Variants in DCTN1 observed in about 807,000 individuals in gnomAD.
The protein encoded by DCTN1 is 150 kDa dynein-associated polypeptide.
A neutral mutation model predicts 161.2 loss-of-function variants in DCTN1; 61 were observed. The observed-to-expected ratio is 0.38, with a 90% CI of 0.31 to 0.47. The LOEUF (loss-of-function observed/expected upper bound fraction) is 0.47, where lower values mean the gene tolerates loss of function less well. DCTN1 is among the 20% of genes least tolerant of loss of function. The pLI is 0.99. For synonymous variants in DCTN1, 653 were observed against 632.4 expected (o/e 1.03, Z -0.49); for missense variants, 1,404 against 1,623.7 (o/e 0.86, Z 2.33).
chr2:74,362,218 G>C, intron 30 of DCTN1, 77 bp from the exon 31 acceptor site: 1 of 1,331,268 alleles, frequency 7.5e-7, no homozygotes, highest in Non-Finnish European at 1.1e-6. Context: ...TGGTTTCACA[G>C]AGACACTAAT....
rs762445148 is a variant in DCTN1, at chr2:74,369,219, G to A, written c.1585-5C>T. On this transcript the variant is annotated splice_polypyrimidine_tract_variant and splice_region_variant and intron_variant, in intron 14 of 31. Transcript: ENST00000628224. This position sits in a 1 kb window ranked among gnomAD's most constrained non-coding sequence, Gnocchi z 4.9. The stretch of plus-strand genomic sequence containing the variant: ...TGTCAGTTCCCGATTCACATCCTAG[G>A]AGGAGAGACAGTGAAGCACAGCTGG... The A allele has an allele frequency of 6.2e-7, 1 of 1,614,186 alleles. No individual in the cohort carries two copies. Among genetic ancestry groups the A allele is most frequent in the Non-Finnish European group, 8.5e-7 (1 of 1,180,022 alleles).
At chr2:74,374,390 G>A (rs1250434743) in intron 5 of DCTN1, 50 bp from the exon 6 acceptor site, 2 of 1,612,064 alleles carry the variant, frequency 1.2e-6, no homozygotes, top group African/African-American at 1.3e-5. Context: ...GGAAAGAGGA[G>A]GGACAGAGGA....
intron 4 of DCTN1, 115 bp from the exon 5 acceptor site, chr2:74,376,877 T>C (rs1360864147): frequency 2.2e-6 from 2 of 890,740 alleles, no homozygotes; most frequent in African/African-American, 3.3e-5. Flanking sequence ...CAGGGTGAGA[T>C]GAGTAGCCCC....
chr2:74,367,152 C>A, intron 19 of DCTN1, 45 bp from the exon 20 acceptor site: 1 of 1,610,824 alleles, frequency 6.2e-7, no homozygotes, highest in Non-Finnish European at 8.5e-7. Flanking sequence ...AGCAGGAGCC[C>A]TTCTGCCTTA....
At chr2:74,368,661 A>T in intron 16 of DCTN1, 67 bp downstream of exon 16, 1 of 1,610,836 alleles carries the variant, frequency 6.2e-7, no homozygotes, top group Non-Finnish European at 8.5e-7. Flanking sequence ...TTCACTCAGC[A>T]TCTTCAATGC....
At chr2:74,376,658 T>G (rs978827837) in intron 5 of DCTN1, 84 bp downstream of exon 5, 1 of 1,339,208 alleles carries the variant, frequency 7.5e-7, no homozygotes, top group Middle Eastern at 2.1e-4. Flanking sequence ...CACACATGCA[T>G]GCAGCAGCCC....
intron 4 of DCTN1, among the ~76,000 whole-genome samples, chr2:74,377,060 T>C (rs941251322): frequency 5.3e-5 from 8 of 152,216 alleles, no homozygotes; most frequent in Non-Finnish European, 1.0e-4. Context: ...CACTTGTGAA[T>C]AGGAGATTGC....
chr2:74,388,581 C>T (rs1047369868), intron 1 of DCTN1, among the ~76,000 whole-genome samples: 4 of 152,236 alleles, frequency 2.6e-5, no homozygotes, highest in African/African-American at 9.6e-5. Flanking sequence ...AAAGACTCTC[C>T]TGGCTTCTCC....
rs754570937 is a variant in DCTN1, at chr2:74,368,899, G to A, written c.1702-19C>T. 6.8e-6 allele frequency: 11 copies of A among 1,613,798 alleles called. No homozygotes were observed. Among genetic ancestry groups the A allele is most frequent in the African/African-American group, 1.3e-5 (1 of 74,922 alleles). On this transcript the variant is annotated intron_variant, in intron 15 of 31. Transcript: ENST00000628224. ...CAATTGCCTGTGAGGTGAACAGGGAGGAGGACTCTTAGCCAGAGCTGAAAG... is the reference window on the plus strand; with the variant it reads ...CAATTGCCTGTGAGGTGAACAGGGAAGAGGACTCTTAGCCAGAGCTGAAAG...
chr2:74,361,688 G>A, intron 31 of DCTN1, 52 bp from the exon 32 acceptor site: 1 of 1,613,516 alleles, frequency 6.2e-7, no homozygotes. Flanking sequence ...CACTTGAGCT[G>A]TGGGCCACTG....
At position 74,361,535 on chromosome 2, in the gene DCTN1, C is replaced by G; in HGVS notation, c.3801G>C (p.Glu1267Asp). ...GQRHRLVLTQ[E>D]QLHQLHSRLI... ...GGCGACTGTGAAGCTGGTGCAGCTG[C>G]TCCTGGGTCAGCACCAGCCGGTGTC... The change falls in exon 32 of 32, where the codon GAG becomes GAC. Residue 1267 changes from glutamate to aspartate, a missense_variant. Glu to Asp is a conservative substitution (Grantham distance 45). Transcript: ENST00000628224. 6.2e-7 allele frequency: 1 copy of G among 1,614,184 alleles called. No homozygotes were observed. The highest frequency in any genetic ancestry group is 8.5e-7 in the Non-Finnish European group (1 of 1,180,032).
At chr2:74,378,266 C>A (rs767083714) in intron 1 of DCTN1, 21 bp from the exon 2 acceptor site, 1 of 1,602,594 alleles carries the variant, frequency 6.2e-7, no homozygotes, top group Non-Finnish European at 8.5e-7. Flanking sequence ...CAGGTAAACA[C>A]AGACAGTTAG....
At chr2:74,389,949 A>C (rs1192211504) in intron 1 of DCTN1, among the ~76,000 whole-genome samples, 1 of 152,134 alleles carries the variant, frequency 6.6e-6, no homozygotes, top group Admixed American at 6.5e-5. Context: ...AAGCACATAC[A>C]TCTGCTAAAA....
rs1392293586 is a variant in DCTN1 at position 74,368,110 on chromosome 2, C to T, written c.1876G>A (p.Ala626Thr). The T allele has an allele frequency of 1.3e-6, 2 of 1,594,758 alleles. No homozygotes were observed. The highest frequency in any genetic ancestry group is 8.5e-7 in the Non-Finnish European group (1 of 1,170,176). Residue 626 changes from alanine to threonine, a missense_variant, in exon 17 of 32, where the codon GCC (alanine) becomes ACC (threonine). Physicochemically the swap from Ala to Thr is moderately conservative, Grantham distance 58 (BLOSUM62 0). This residue lies in a region of DCTN1 where 475 missense variants were observed against 489.8 expected (regional missense o/e 0.97). Coordinates refer to ENST00000628224, the MANE Select transcript of DCTN1 (RefSeq NM_004082.5). ...TCACTTAGTTCAAACTTCTCCTGGG[C>T]CTGCTTCCGGATCAGCTCTGCCTGT... is the stretch of plus-strand genomic sequence containing the variant. ...ICKAELIRKQ[A>T]QEKFELSENC... is the part of the protein sequence containing the mutation.
intron 1 of DCTN1, among the ~76,000 whole-genome samples, chr2:74,387,508 C>G (rs1173384514): frequency 6.6e-6 from 1 of 151,842 alleles, no homozygotes; most frequent in Non-Finnish European, 1.5e-5. Context: ...AACAAACAAA[C>G]AAAAAAAAGT....
At chr2:74,363,827 A>G (rs1440401029) in intron 26 of DCTN1, 199 bp from the exon 27 acceptor site, 1 of 709,802 alleles carries the variant, frequency 1.4e-6, no homozygotes, top group Middle Eastern at 2.9e-4. Flanking sequence ...GAAAGACACC[A>G]AACAGGAGTG....
rs145369076 is a variant in DCTN1, at chr2:74,369,437, G to A, written c.1447C>T (p.Leu483=). ...ELQENARETE[L]ELREQLDMAG... ...ATGTCCAGCTGCTCCCGCAGCTCCA[G>A]TTCTGTCTCACGTGCATTCTCCTGC... The change falls in exon 14 of 32, where the codon CTG becomes TTG. Residue 483 remains leucine (L), a synonymous_variant. Coordinates refer to ENST00000628224, the MANE Select transcript of DCTN1 (RefSeq NM_004082.5). This position sits in a 1 kb window ranked among gnomAD's most constrained non-coding sequence, Gnocchi z 4.9. 1.9e-5 allele frequency: 30 copies of A among 1,614,162 alleles called. No homozygotes were observed. In the African/African-American group the frequency reaches 3.6e-4, roughly 19 times the overall value.
At chr2:74,384,573 C>T (rs1461096423), upstream of DCTN1, among the ~76,000 whole-genome samples, 2 of 152,124 alleles carry the variant, frequency 1.3e-5, no homozygotes, top group African/African-American at 4.8e-5. Flanking sequence ...TGCCAATAGT[C>T]TTAGAGAAAT....
chr2:74,378,771 T>C (rs79509107), intron 1 of DCTN1: 15,792 of 180,602 alleles, frequency 0.087, 1,522 homozygotes, highest in East Asian at 0.36. Context: ...AGGCACACAA[T>C]TGTGCCTCCT....
Sources: gnomAD v4.1 joint callset for allele counts (sites outside exome capture counted in the v4.1 genomes callset) on GRCh38, gnomAD v4.1.1 for gene constraint, gnomAD v4.1.1 regional missense constraint, Gnocchi (gnomAD v3.1) non-coding constraint, MANE v1.5 for transcripts, NCBI Gene and HGNC (gene_info 2026-07-23, HGNC 2026-07-21) for gene names.